ALDH18A1: variants seen among roughly 807,000 people sequenced by gnomAD.
ALDH18A1 encodes delta-1-pyrroline-5-carboxylate synthase.
ALDH18A1 carries 44 observed loss-of-function variants against 88.8 expected under a neutral mutation model. That is an observed-to-expected ratio of 0.50 (90% CI 0.39 to 0.64). ALDH18A1 has a LOEUF of 0.64. Ranked by LOEUF, ALDH18A1 falls within the 30% of genes least tolerant of loss-of-function variation. ALDH18A1 has a pLI of 0.00. For synonymous variants in ALDH18A1, 331 were observed against 372.1 expected, an observed-to-expected ratio of 0.89 and a Z score of 1.27; for missense variants, 782 against 1,009.5, an observed-to-expected ratio of 0.77 and a Z score of 3.05.
intron 3 of ALDH18A1, among the ~76,000 whole-genome samples, chr10:95,641,665 G>T (rs1310320524): frequency 1.3e-5 from 2 of 151,862 alleles, no homozygotes; most frequent in Non-Finnish European, 2.9e-5. Context: ...TTGAGACAGG[G>T]TCTTGCTCTG....
intron 1 of ALDH18A1, among the ~76,000 whole-genome samples, chr10:95,655,991 G>A (rs1190510375): frequency 6.6e-6 from 1 of 152,078 alleles, no homozygotes; most frequent in Non-Finnish European, 1.5e-5. Context: ...GGATAATGAT[G>A]GGGGAAGGAC....
chr10:95,652,429 T>C (rs1043048062), intron 2 of ALDH18A1, among the ~76,000 whole-genome samples: 3 of 151,864 alleles, frequency 2.0e-5, no homozygotes, highest in Admixed American at 6.6e-5. Context: ...AAAAAAAGAG[T>C]AATGAACAAA....
chr10:95,616,056 T>A (rs2097843635), intron 13 of ALDH18A1, among the ~76,000 whole-genome samples: 1 of 152,144 alleles, frequency 6.6e-6, no homozygotes, highest in Non-Finnish European at 1.5e-5. Flanking sequence ...ATGACCTTAA[T>A]AATAATAGTG....
At position 95,653,370 on chromosome 10, in the gene ALDH18A1, C is replaced by A. The variant is rs1453908734; in HGVS notation, c.8G>T (p.Ser3Ile). The A allele has an allele frequency of 6.2e-7, 1 of 1,613,198 alleles. No individual in the cohort carries two copies. The change falls in exon 2 of 18, where the codon AGT becomes ATT. Residue 3 changes from serine to isoleucine, a missense_variant. Physicochemically the swap from Ser to Ile is moderately radical, Grantham distance 142. Transcript: ENST00000371224. ML[S>I]QVYRCGFQPF... The stretch of plus-strand genomic sequence containing the variant: ...CTGGAACCCACAGCGGTAAACTTGA[C>A]TCAACATGCTGCGATGTGGTCACTA...
intron 2 of ALDH18A1, among the ~76,000 whole-genome samples, chr10:95,652,731 GA>G (rs1027384548): frequency 6.2e-4 from 87 of 139,864 alleles, no homozygotes; most frequent in Admixed American, 1.6e-3. Context: ...TGAGACTCAA[GA>G]AAAAAAAAAA....
rs768600105 is a variant in ALDH18A1, at chr10:95,621,281, G to A, written c.1247-30C>T. The A allele has an allele frequency of 5.8e-6, 9 of 1,555,822 alleles. No individual in the cohort carries two copies. The South Asian group carries it at 1.0e-4, about 18-fold the overall frequency. ...AAAGCCATTAAGAGGATATGATAAA[G>A]TAGCAGACCTGGCAGGCTACAGCTA... On this transcript the variant is annotated intron_variant, in intron 11 of 17. Coordinates refer to ENST00000371224, the MANE Select transcript of ALDH18A1 (RefSeq NM_002860.4).
At position 95,606,938 on chromosome 10, in the gene ALDH18A1, C is replaced by T. The variant is rs1272249717; in HGVS notation, c.2212G>A (p.Glu738Lys). 3 of 1,614,032 alleles carry T rather than the reference C, an allele frequency of 1.9e-6. No homozygotes were observed. Among genetic ancestry groups the T allele is most frequent in the Non-Finnish European group, 2.5e-6 (3 of 1,179,968 alleles). The change falls in exon 18 of 18, where the codon GAA (glutamate) becomes AAA (lysine). Residue 738 changes from glutamate to lysine, a missense_variant. By Grantham distance (56) the Glu-to-Lys change is moderately conservative. This residue lies in a region of ALDH18A1 where 556 missense variants were observed against 654.5 expected (regional missense o/e 0.85). Coordinates refer to ENST00000371224, the MANE Select transcript of ALDH18A1 (RefSeq NM_002860.4). The stretch of plus-strand genomic sequence containing the variant: ...ATTCTCGATGTACTGATTCCCACTT[C>T]AGCTCCTGTGAAAAAGCATGAATAA... Reference protein sequence around the residue: ...SDGYRFGLGAEVGISTSRIHA... With the variant: ...SDGYRFGLGAKVGISTSRIHA...
chr10:95,653,179 C>T lies in ALDH18A1; in HGVS notation c.88+111G>A, dbSNP rs957637312. Reference sequence around the variant, plus strand: ...CTCCAGCCTGTGTGACAAAATGAGACCCTGTCTCCAAACAAACAAACAAAC... The same window carrying T: ...CTCCAGCCTGTGTGACAAAATGAGATCCTGTCTCCAAACAAACAAACAAAC... On this transcript the variant is annotated intron_variant, in intron 2 of 17. Coordinates refer to ENST00000371224, the MANE Select transcript of ALDH18A1 (RefSeq NM_002860.4). The T allele has an allele frequency of 1.7e-5, 18 of 1,045,902 alleles. 1 individual carries two copies. The Admixed American group carries it at 3.3e-4, about 19-fold the overall frequency. The allele number at this position is 1,045,902 out of a possible 1,614,324, so 64.8% of individuals were successfully genotyped here.
chr10:95,626,817 G>C, intron 9 of ALDH18A1, 41 bp from the exon 10 acceptor site: 1 of 1,605,512 alleles, frequency 6.2e-7, no homozygotes, highest in Non-Finnish European at 8.5e-7. Flanking sequence ...GGTCACCTTA[G>C]TTCTCTCTCT....
At chr10:95,632,065 A>T (rs1034639052) in intron 7 of ALDH18A1, among the ~76,000 whole-genome samples, 1 of 152,228 alleles carries the variant, frequency 6.6e-6, no homozygotes, top group Non-Finnish European at 1.5e-5. Flanking sequence ...TGAAGTATTG[A>T]TACATGCTGT....
At chr10:95,620,117 T>G (rs499714) in intron 12 of ALDH18A1, among the ~76,000 whole-genome samples, 100,694 of 151,996 alleles carry the variant, frequency 0.66, 33,723 homozygotes, top group East Asian at 0.74. Flanking sequence ...TCAAAAAGTG[T>G]GCAAAGGATA....
At chr10:95,639,759 C>T (rs1328250215) in intron 3 of ALDH18A1, among the ~76,000 whole-genome samples, 1 of 152,084 alleles carries the variant, frequency 6.6e-6, no homozygotes. Context: ...AAGTCTCTTT[C>T]ATTCATGGGT....
intron 15 of ALDH18A1, among the ~76,000 whole-genome samples, chr10:95,613,346 A>G (rs1184368669): frequency 6.6e-6 from 1 of 152,234 alleles, no homozygotes; most frequent in African/African-American, 2.4e-5. Flanking sequence ...GGGGGGAGGC[A>G]GTGAATGTAC....
intron 1 of ALDH18A1, among the ~76,000 whole-genome samples, chr10:95,655,080 C>T (rs1389687621): frequency 6.6e-6 from 1 of 152,048 alleles, no homozygotes; most frequent in East Asian, 1.9e-4. Flanking sequence ...GATTTGGGTT[C>T]GAGCTCTGCA....
chr10:95,632,903 A>T, intron 7 of ALDH18A1, 56 bp downstream of exon 7: 1 of 1,437,238 alleles, frequency 7.0e-7, no homozygotes, highest in Non-Finnish European at 9.8e-7. Flanking sequence ...TCATGTGCTC[A>T]CATATGTAGC....
intron 11 of ALDH18A1, 42 bp from the exon 12 acceptor site, chr10:95,621,293 G>A (rs773147707): frequency 6.5e-7 from 1 of 1,537,352 alleles, no homozygotes. Flanking sequence ...AGCAGACCTG[G>A]CAGGCTACAG....
intron 17 of ALDH18A1, among the ~76,000 whole-genome samples, chr10:95,608,687 G>A (rs2097827357): frequency 6.6e-6 from 1 of 152,124 alleles, no homozygotes; most frequent in Non-Finnish European, 1.5e-5. Context: ...TCTCTGTAGA[G>A]AGGAGGTCTC....
chr10:95,618,700 A>G (rs994757233), intron 12 of ALDH18A1, among the ~76,000 whole-genome samples: 2 of 152,222 alleles, frequency 1.3e-5, no homozygotes, highest in Non-Finnish European at 1.5e-5. Flanking sequence ...GATACTGACA[A>G]TAAAGGGGTC....
intron 17 of ALDH18A1, among the ~76,000 whole-genome samples, chr10:95,607,821 A>C (rs1218541586): frequency 1.3e-5 from 2 of 152,152 alleles, no homozygotes; most frequent in Non-Finnish European, 2.9e-5. Flanking sequence ...AACAGTGAGA[A>C]GGAGCTGGCT....
Sources: gnomAD v4.1 joint callset for allele counts (sites outside exome capture counted in the v4.1 genomes callset) on GRCh38, gnomAD v4.1.1 for gene constraint, gnomAD v4.1.1 regional missense constraint, MANE v1.5 for transcripts, NCBI Gene and HGNC (gene_info 2026-07-23, HGNC 2026-07-21) for gene names.